Variants in KIAA0753 observed in about 807,000 individuals in gnomAD.
KIAA0753 encodes the protein KIAA0753, also known as protein moonraker.
A neutral mutation model predicts 116.9 loss-of-function variants in KIAA0753; 114 were observed. That is an observed-to-expected ratio of 0.98 (90% CI 0.84 to 1.14). The LOEUF is 1.14. Among genes scored for constraint, KIAA0753 ranks in the 50% most tolerant of loss-of-function variants. KIAA0753 has a pLI of 0.00. For missense variants in KIAA0753, 1,156 were observed against 1,172.4 expected (o/e 0.99, Z 0.20); for synonymous variants, 405 against 413.1 (o/e 0.98, Z 0.24).
At chr17:6,580,612 G>C (rs1462139526) in intron 18 of KIAA0753, among the ~76,000 whole-genome samples, 1 of 152,064 alleles carries the variant, frequency 6.6e-6, no homozygotes, top group African/African-American at 2.4e-5. Context: ...CACTGTGCCC[G>C]GCCAAGATAC....
rs1382827864 is a variant in KIAA0753, at chr17:6,599,317, C to T, written c.2092G>A (p.Val698Ile). 6.2e-7 allele frequency: 1 copy of T among 1,607,502 alleles called. No individual in the cohort carries two copies. Among genetic ancestry groups the T allele is most frequent in the African/African-American group, 1.3e-5 (1 of 74,788 alleles). ...LKPLLVKAQR[V>I]NSTTEANIHL... ...ATATTTGCTTCTGTAGTAGAATTGA[C>T]TCTCTATTAAAACAGACAAATACAT... Residue 698 changes from valine to isoleucine, a missense_variant, in exon 14 of 19, where the codon GTC (valine) becomes ATC (isoleucine). By Grantham distance (29) the Val-to-Ile change is conservative. Coordinates refer to ENST00000361413, the MANE Select transcript of KIAA0753 (RefSeq NM_014804.3).
intron 18 of KIAA0753, among the ~76,000 whole-genome samples, chr17:6,587,425 C>T (rs1211712487): frequency 3.9e-5 from 6 of 152,084 alleles, no homozygotes; most frequent in Non-Finnish European, 7.4e-5. Context: ...TCCCTACATC[C>T]ACCTAACAAC....
intron 18 of KIAA0753, among the ~76,000 whole-genome samples, chr17:6,583,831 T>C (rs965585755): frequency 6.6e-6 from 1 of 152,228 alleles, no homozygotes; most frequent in Admixed American, 6.5e-5. Context: ...GGTCTGTTCT[T>C]GGTATTGTCT....
chr17:6,611,865 C>A, intron 8 of KIAA0753, 54 bp downstream of exon 8: 1 of 1,484,882 alleles, frequency 6.7e-7, no homozygotes, highest in Non-Finnish European at 9.4e-7. Context: ...TTTATGTGAC[C>A]TTGACAATGT....
chr17:6,596,202 T>C lies in KIAA0753; in HGVS notation c.2314A>G (p.Ser772Gly), dbSNP rs1251147900. 2 of 1,614,006 alleles carry C rather than the reference T, an allele frequency of 1.2e-6. No individual in the cohort carries two copies. The highest frequency in any genetic ancestry group is 1.7e-6 in the Non-Finnish European group (2 of 1,179,874). The change falls in exon 15 of 19, where the codon AGC becomes GGC. Residue 772 changes from serine to glycine, a missense_variant. Ser to Gly is a moderately conservative substitution (Grantham distance 56). Coordinates refer to ENST00000361413, the MANE Select transcript of KIAA0753 (RefSeq NM_014804.3). ...TLATVEDSKDSPDLEIMMRRM... is the reference protein window; with the variant it reads ...TLATVEDSKDGPDLEIMMRRM... ...CGCATCATGATCTCCAGATCTGGGC[T>C]ATCCTTGCTGTCCTCAACGGTGGCT...
chr17:6,589,016 T>G (rs1968790907), intron 18 of KIAA0753, among the ~76,000 whole-genome samples: 1 of 152,134 alleles, frequency 6.6e-6, no homozygotes, highest in South Asian at 2.1e-4. Context: ...TATTTTGTGT[T>G]CTCTGATGGG....
chr17:6,601,370 A>G (rs1027589039), intron 12 of KIAA0753, among the ~76,000 whole-genome samples: 1 of 152,200 alleles, frequency 6.6e-6, no homozygotes, highest in Non-Finnish European at 1.5e-5. Context: ...TACTGAAAAG[A>G]GGCAGCGGTC....
intron 2 of KIAA0753, among the ~76,000 whole-genome samples, chr17:6,631,947 A>G (rs969938777): frequency 1.3e-5 from 2 of 152,164 alleles, no homozygotes; most frequent in Admixed American, 6.6e-5. Flanking sequence ...CAGTGGCACA[A>G]TCTTGGCTCA....
Position 6,583,822 on chromosome 17 carries a change from G to A in KIAA0753, c.2787-3958C>T, listed in dbSNP as rs758154265. On this transcript the variant is annotated intron_variant, in intron 18 of 18. Transcript: ENST00000361413. ...GCTCTAATGTTTGTATCTGCCGTAG[G>A]TCTGTTCTTGGTATTGTCTTGTCCC... 3.5e-4 allele frequency among the ~76,000 whole-genome samples: 53 copies of A among 152,252 alleles called. 1 individual carries two copies. Among genetic ancestry groups the A allele is most frequent in the South Asian group, 1.2e-3 (6 of 4,826 alleles).
At chr17:6,602,266 G>C (rs1340624412) in intron 12 of KIAA0753, among the ~76,000 whole-genome samples, 1 of 152,160 alleles carries the variant, frequency 6.6e-6, no homozygotes, top group Non-Finnish European at 1.5e-5. Context: ...ATACTCCTAG[G>C]CATTTACCCA....
chr17:6,601,169 G>C (rs1167484764), intron 12 of KIAA0753: 2 of 152,532 alleles, frequency 1.3e-5, no homozygotes, highest in South Asian at 2.1e-4. Context: ...TAAGCTGGGA[G>C]GGGGTGGTTT....
chr17:6,589,978 CT>C lies in KIAA0753; in HGVS notation c.2586del (p.Glu863ArgfsTer14), dbSNP rs1260216324. ...GCCTCTCTTTTCTCTGATCCTTCCT[CT>C]GTTCCCACACTTTCATCCAGGGAAC... is the stretch of plus-strand genomic sequence containing the variant. ...NGNSLDESVG[T>X]EEGSEKREAP... On this transcript the variant is annotated frameshift_variant, in exon 18 of 19. Transcript: ENST00000361413. LOFTEE classifies it high-confidence loss of function. 1 of 1,581,712 alleles carries C rather than the reference CT, an allele frequency of 6.3e-7. No individual in the cohort carries two copies. Among genetic ancestry groups the C allele is most frequent in the Admixed American group, 1.9e-5 (1 of 51,354 alleles).
At chr17:6,612,663 T>C (rs1473808706) in intron 7 of KIAA0753, among the ~76,000 whole-genome samples, 3 of 151,948 alleles carry the variant, frequency 2.0e-5, no homozygotes, top group African/African-American at 7.3e-5. Flanking sequence ...AGGTCAGGAG[T>C]TCGAGGCCAG....
chr17:6,601,666 T>C (rs900695372), intron 12 of KIAA0753, among the ~76,000 whole-genome samples: 1 of 152,114 alleles, frequency 6.6e-6, no homozygotes, highest in Non-Finnish European at 1.5e-5. Context: ...TCTAAATGGA[T>C]AACAGACACA....
rs762397718 is a variant in KIAA0753 at position 6,620,785 on chromosome 17, T to C, written c.1315+3A>G. The C allele has an allele frequency of 8.1e-6, 13 of 1,613,612 alleles. No homozygotes were observed. In the East Asian group the frequency reaches 2.5e-4, roughly 30 times the overall value. ...CTTACAATAAACACTTTAAGACACA[T>C]ACCGGCAAGAAGCTGCTTTGCTACA... On this transcript the variant is annotated splice_donor_region_variant and intron_variant, in intron 7 of 18. Transcript: ENST00000361413.
At position 6,608,334 on chromosome 17, in the gene KIAA0753, A is replaced by G. The variant is rs1299205785; in HGVS notation, c.1829+14T>C. On this transcript the variant is annotated intron_variant, in intron 10 of 18. Transcript: ENST00000361413. ...TCTTTAATTCTCAAAGATCTGAAAA[A>G]TACCAGCACAAACCTGGCTGCTTCA... is the stretch of plus-strand genomic sequence containing the variant. 1.5e-6 allele frequency: 2 copies of G among 1,314,792 alleles called. No individual in the cohort carries two copies. Among genetic ancestry groups the G allele is most frequent in the African/African-American group, 1.5e-5 (1 of 66,052 alleles). 81.4% of individuals were successfully genotyped at this position (1,314,792 alleles called of 1,614,324 possible). A position where few individuals can be genotyped will look rare whatever the true frequency, so the allele number is the denominator to read the frequency against.
intron 9 of KIAA0753, among the ~76,000 whole-genome samples, chr17:6,609,610 T>C (rs894251324): frequency 4.6e-5 from 7 of 152,266 alleles, no homozygotes; most frequent in South Asian, 2.1e-4. Context: ...AAAGATTTAC[T>C]GAATGCCTAC....
At chr17:6,637,628 G>C (rs1009056018) in intron 1 of KIAA0753, 1 of 152,526 alleles carries the variant, frequency 6.6e-6, no homozygotes, top group African/African-American at 2.4e-5. Context: ...CCTGTAGTCT[G>C]TCTGCCTCCC....
chr17:6,582,983 A>G (rs558936235), intron 18 of KIAA0753, among the ~76,000 whole-genome samples: 1 of 152,324 alleles, frequency 6.6e-6, no homozygotes, highest in South Asian at 2.1e-4. Flanking sequence ...TACAGCCAAT[A>G]TTCACTTTAA....
Sources: gnomAD v4.1 joint callset for allele counts (sites outside exome capture counted in the v4.1 genomes callset) on GRCh38, gnomAD v4.1.1 for gene constraint, MANE v1.5 for transcripts, NCBI Gene and HGNC (gene_info 2026-07-23, HGNC 2026-07-21) for gene names.